The following ZSWIM5 variants were observed in gnomAD, a reference collection of about 807,000 sequenced individuals.
ZSWIM5 encodes zinc finger SWIM domain-containing protein 5.
In ZSWIM5, 55 loss-of-function variants were observed where a neutral mutation model predicts 119.6. The observed-to-expected ratio is 0.46, with a 90% CI of 0.37 to 0.58. The LOEUF (loss-of-function observed/expected upper bound fraction) is 0.58. Ranked by LOEUF, ZSWIM5 falls within the 20% of genes least tolerant of loss-of-function variation. The probability of loss-of-function intolerance (pLI) is 0.00; values close to 1 mark genes in which losing one functional copy is unlikely to be tolerated. For missense variants in ZSWIM5, 1,193 were observed against 1,512.8 expected, an observed-to-expected ratio of 0.79 and a Z score of 3.51; for synonymous variants, 537 against 606.9, an observed-to-expected ratio of 0.88 and a Z score of 1.69.
chr1:45,178,307 C>T (rs2149047750), intron 1 of ZSWIM5, among the ~76,000 whole-genome samples: 1 of 152,192 alleles, frequency 6.6e-6, no homozygotes, highest in East Asian at 1.9e-4. Context: ...GCCTGTGGTA[C>T]CACCTACTCG....
chr1:45,178,079 G>A (rs773527027), intron 1 of ZSWIM5, among the ~76,000 whole-genome samples: 4 of 151,926 alleles, frequency 2.6e-5, no homozygotes, highest in Non-Finnish European at 4.4e-5. Context: ...CAGGTCCTAG[G>A]GGGTTGTGAA....
At chr1:45,121,600 TTC>T in intron 1 of ZSWIM5, among the ~76,000 whole-genome samples, 2 of 143,108 alleles carry the variant, frequency 1.4e-5, no homozygotes, top group South Asian at 2.1e-4. Flanking sequence ...TTTTTTCTTC[TTC>T]TTTTTTTTTT....
chr1:45,164,208 A>T (rs866556453), intron 1 of ZSWIM5, among the ~76,000 whole-genome samples: 4 of 152,160 alleles, frequency 2.6e-5, no homozygotes, highest in East Asian at 1.9e-4. Flanking sequence ...GAATTTCATA[A>T]CCAGCCAAAC....
In ZSWIM5 at chr1:45,067,451, A is replaced by AAAAG. The variant is rs1553191167; in HGVS notation, c.953-7208_953-7205dup. Among the ~76,000 whole-genome samples, 71 of 136,646 alleles carry AAAAG rather than the reference A, an allele frequency of 5.2e-4. 1 individual carries two copies. The highest frequency in any genetic ancestry group is 8.6e-4 in the African/African-American group (31 of 36,232). 89.6% of individuals were successfully genotyped at this position (136,646 alleles called of 152,430 possible). On this transcript the variant is annotated intron_variant, in intron 2 of 13. Coordinates refer to ENST00000359600, the MANE Select transcript of ZSWIM5 (RefSeq NM_020883.2). ...TAAGACCCTGCCTCAAAAAAAAAAAAAAAGAAAGAAAGAAAGAAAGAAATA... is the reference window on the plus strand; with the variant it reads ...TAAGACCCTGCCTCAAAAAAAAAAAAAAAGAAAGAAAGAAAGAAAGAAAGAAATA...
intron 10 of ZSWIM5, among the ~76,000 whole-genome samples, chr1:45,035,157 CCT>C (rs1460892787): frequency 6.6e-6 from 1 of 152,168 alleles, no homozygotes; most frequent in Non-Finnish European, 1.5e-5. Flanking sequence ...ATTCTCCCAG[CCT>C]TACAGTCTGA....
At chr1:45,181,202 T>C in intron 1 of ZSWIM5, among the ~76,000 whole-genome samples, 1 of 151,828 alleles carries the variant, frequency 6.6e-6, no homozygotes, top group African/African-American at 2.4e-5. Context: ...TTTAGACGAA[T>C]GAATAACTAG....
chr1:45,150,541 T>C (rs535410098), intron 1 of ZSWIM5, among the ~76,000 whole-genome samples: 2 of 152,298 alleles, frequency 1.3e-5, no homozygotes, highest in South Asian at 2.1e-4. Context: ...ATGCATTTAC[T>C]ACGATTTCTG....
chr1:45,100,743 CCA>C (rs1645435028), intron 1 of ZSWIM5, among the ~76,000 whole-genome samples: 1 of 152,074 alleles, frequency 6.6e-6, no homozygotes, highest in Non-Finnish European at 1.5e-5. Context: ...AGAAATAACA[CCA>C]CACATCTACA....
intron 1 of ZSWIM5, among the ~76,000 whole-genome samples, chr1:45,166,330 A>G (rs1440104829): frequency 6.6e-6 from 1 of 152,088 alleles, no homozygotes. Flanking sequence ...AAATAATAAG[A>G]GCTATTTATG....
chr1:45,183,981 T>C lies in ZSWIM5; in HGVS notation c.595+21775A>G, dbSNP rs1487999859. Among the ~76,000 whole-genome samples, 4 of 152,118 alleles carry C rather than the reference T, an allele frequency of 2.6e-5. No homozygotes were observed. In the South Asian group the frequency reaches 6.2e-4, roughly 24 times the overall value. On this transcript the variant is annotated intron_variant, in intron 1 of 13. Transcript: ENST00000359600. ...TTTAGACCAATATCCTTGATGAACA[T>C]TGATGCAAAAATCCTCAATAAAATA...
chr1:45,112,738 G>C (rs1355948105), intron 1 of ZSWIM5, among the ~76,000 whole-genome samples: 11 of 152,204 alleles, frequency 7.2e-5, no homozygotes. Flanking sequence ...AGAGATACTA[G>C]CTCCTGGGGA....
At chr1:45,068,159 G>A (rs2149003480) in intron 2 of ZSWIM5, among the ~76,000 whole-genome samples, 1 of 131,098 alleles carries the variant, frequency 7.6e-6, no homozygotes, top group African/African-American at 2.9e-5. Flanking sequence ...CTGGAGTGCA[G>A]TGGTGTGATC....
Position 45,088,249 on chromosome 1 carries a change from CA to C in ZSWIM5, c.596-13del. 1.3e-6 allele frequency: 2 copies of C among 1,540,848 alleles called. No homozygotes were observed. Among genetic ancestry groups the C allele is most frequent in the Non-Finnish European group, 8.8e-7 (1 of 1,139,876 alleles). On this transcript the variant is annotated splice_polypyrimidine_tract_variant and intron_variant, in intron 1 of 13. Transcript: ENST00000359600. The surrounding 1 kb of genome is among the most constrained non-coding windows in gnomAD (Gnocchi z 4.2). ...ACTCAGATGAAAGCCTAAGGAAACA[CA>C]AAAGAAACTGTGTTTAGAGATTCTA...
chr1:45,202,204 CCA>C (rs1000251192), intron 1 of ZSWIM5, among the ~76,000 whole-genome samples: 10 of 151,940 alleles, frequency 6.6e-5, no homozygotes, highest in South Asian at 2.1e-4. Context: ...CTCACATATG[CCA>C]CAGTTTTTTC....
chr1:45,042,463 A>G (rs545823245), intron 6 of ZSWIM5, among the ~76,000 whole-genome samples: 93 of 152,338 alleles, frequency 6.1e-4, no homozygotes, highest in Non-Finnish European at 1.2e-3. Context: ...AGGTGGTGAC[A>G]CGGTGAGTCT....
chr1:45,139,728 A>T (rs896353864), intron 1 of ZSWIM5, among the ~76,000 whole-genome samples: 1 of 106,692 alleles, frequency 9.4e-6, no homozygotes. Flanking sequence ...TGGTAGAGAC[A>T]GGGTCTTGCT....
intron 5 of ZSWIM5, among the ~76,000 whole-genome samples, chr1:45,048,611 A>C (rs1645071210): frequency 6.6e-6 from 1 of 152,170 alleles, no homozygotes; most frequent in African/African-American, 2.4e-5. Context: ...ATACTAAAGA[A>C]AAGAAGCTAG....
At chr1:45,047,046 A>T (rs1349182393) in intron 5 of ZSWIM5, among the ~76,000 whole-genome samples, 1 of 146,684 alleles carries the variant, frequency 6.8e-6, no homozygotes, top group Non-Finnish European at 1.5e-5. Flanking sequence ...AAAGAAAGAG[A>T]GGTGGTCTGA....
rs1349010416 is a variant in ZSWIM5, at chr1:45,088,694, G to A, written c.596-457C>T. On this transcript the variant is annotated intron_variant, in intron 1 of 13. Transcript: ENST00000359600. This position sits in a 1 kb window ranked among gnomAD's most constrained non-coding sequence, Gnocchi z 4.2. ...TCACAAATGAAAGAGAATCCAAAAT[G>A]CCATGAGGAAGGACAGAAGGAAGAT... Among the ~76,000 whole-genome samples the A allele has an allele frequency of 1.3e-5, 2 of 152,090 alleles. No individual in the cohort carries two copies. The highest frequency in any genetic ancestry group is 1.3e-4 in the Admixed American group (2 of 15,274).
Sources: gnomAD v4.1 joint callset for allele counts (sites outside exome capture counted in the v4.1 genomes callset) on GRCh38, gnomAD v4.1.1 for gene constraint, Gnocchi (gnomAD v3.1) non-coding constraint, MANE v1.5 for transcripts, NCBI Gene and HGNC (gene_info 2026-07-23, HGNC 2026-07-21) for gene names.